The following LSM6 variants were observed in gnomAD, a reference collection of about 807,000 sequenced individuals.
The protein encoded by LSM6 is U6 snRNA-associated Sm-like protein LSm6.
Under a neutral mutation model 13.5 loss-of-function variants are expected in LSM6, and 2 were observed. That is an observed-to-expected ratio of 0.15 (90% CI 0.06 to 0.47). LSM6 has a LOEUF of 0.47. Among genes scored for constraint, LSM6 ranks in the 20% least tolerant of loss-of-function variants. LSM6 has a pLI of 0.97. For synonymous variants in LSM6, 43 were observed against 34.9 expected, an observed-to-expected ratio of 1.23 and a Z score of -0.82; for missense variants, 58 against 96.4, an observed-to-expected ratio of 0.60 and a Z score of 1.67.
chr4:146,189,817 T>C lies in LSM6; in HGVS notation c.*161T>C, dbSNP rs1313991093. 1 of 552,942 alleles carries C rather than the reference T, an allele frequency of 1.8e-6. No individual in the cohort carries two copies. The highest frequency in any genetic ancestry group is 3.2e-6 in the Non-Finnish European group (1 of 312,272). The allele number at this position is 552,942 out of a possible 1,614,324, so 34.3% of individuals were successfully genotyped here. A position where few individuals can be genotyped will look rare whatever the true frequency, so the allele number is the denominator to read the frequency against. On this transcript the variant is annotated 3_prime_UTR_variant, in exon 4 of 4. Transcript: ENST00000296581. Reference sequence around the variant, plus strand: ...TAAATGTATACAATTGTGGATTTAATTGTGAAATGTTCTTTCACTTGTAAG... The same window carrying C: ...TAAATGTATACAATTGTGGATTTAACTGTGAAATGTTCTTTCACTTGTAAG...
At chr4:146,189,322 T>C (rs891149120) in intron 3 of LSM6, among the ~76,000 whole-genome samples, 1 of 152,206 alleles carries the variant, frequency 6.6e-6, no homozygotes, top group Non-Finnish European at 1.5e-5. Context: ...TACTTCTAAC[T>C]ATAAAGCATT....
intron 1 of LSM6, among the ~76,000 whole-genome samples, chr4:146,177,866 G>A (rs1352338511): frequency 1.3e-5 from 2 of 152,152 alleles, no homozygotes. Flanking sequence ...GGTGGGGCAG[G>A]GTTGGGGGTA....
rs145067201 is a variant in LSM6 at position 146,188,740 on chromosome 4, C to T, written c.209-882C>T. On this transcript the variant is annotated intron_variant, in intron 3 of 3. Transcript: ENST00000296581. ...CATGTTGGTAGTCATGAGAAGACCA[C>T]TAAGCAGAACATTAGGTAACACCAA... Among the ~76,000 whole-genome samples, 391 of 152,172 alleles carry T rather than the reference C, an allele frequency of 2.6e-3. 3 individuals carry two copies. The highest frequency in any genetic ancestry group is 9.2e-3 in the African/African-American group (381 of 41,500).
intron 2 of LSM6, among the ~76,000 whole-genome samples, chr4:146,184,311 T>C (rs568604341): frequency 2.8e-4 from 42 of 152,102 alleles, no homozygotes; most frequent in Admixed American, 7.2e-4. Flanking sequence ...TTTGGTCTCT[T>C]TTCTGAATAA....
At chr4:146,180,270 T>C (rs1268857423) in intron 1 of LSM6, among the ~76,000 whole-genome samples, 2 of 152,224 alleles carry the variant, frequency 1.3e-5, no homozygotes, top group Non-Finnish European at 2.9e-5. Flanking sequence ...CTCTGGAATG[T>C]AAACTCTGAG....
chr4:146,183,184 C>A, intron 2 of LSM6, 169 bp downstream of exon 2: 1 of 512,446 alleles, frequency 2.0e-6, no homozygotes, highest in Non-Finnish European at 3.6e-6. Flanking sequence ...TTTAGAAGGA[C>A]AACTCTGACA....
At chr4:146,181,882 A>G (rs1193866969) in intron 1 of LSM6, among the ~76,000 whole-genome samples, 2 of 152,198 alleles carry the variant, frequency 1.3e-5, no homozygotes, top group Non-Finnish European at 2.9e-5. Context: ...TGCGTTTTGA[A>G]AGGAGTGATG....
In LSM6 at chr4:146,190,557, T is replaced by C. The variant is rs1210649813; in HGVS notation, c.*901T>C. 2 of 152,232 alleles carry C rather than the reference T, an allele frequency of 1.3e-5. No individual in the cohort carries two copies. Among genetic ancestry groups the C allele is most frequent in the Non-Finnish European group, 2.9e-5 (2 of 68,060 alleles). 9.4% of individuals were successfully genotyped at this position (152,232 alleles called of 1,614,324 possible). On this transcript the variant is annotated 3_prime_UTR_variant, in exon 4 of 4. Coordinates refer to ENST00000296581, the MANE Select transcript of LSM6 (RefSeq NM_007080.3). ...CTAGCAAGTGGCTGTAGGGAGGCCT[T>C]TCTCAAAAATCAGCTGTATTTGCCT...
chr4:146,182,991 T>G lies in LSM6; in HGVS notation c.70T>G (p.Leu24Val). The G allele has an allele frequency of 6.2e-7, 1 of 1,613,102 alleles. No individual in the cohort carries two copies. The highest frequency in any genetic ancestry group is 8.5e-7 in the Non-Finnish European group (1 of 1,179,152). Residue 24 changes from leucine (L) to valine (V), a missense_variant, in exon 2 of 4, where the codon TTA (leucine) becomes GTA (valine). Around this residue, in one of 3 missense-constraint regions of LSM6, gnomAD observed 28 missense variants for 32.6 expected, o/e 0.86. Coordinates refer to ENST00000296581, the MANE Select transcript of LSM6 (RefSeq NM_007080.3). ...CATCGGACGACCAGTTGTGGTAAAA[T>G]TAAATTCTGGAGTGGATTATCGAGG... is the stretch of plus-strand genomic sequence containing the variant. Reference protein sequence around the residue: ...QIIGRPVVVKLNSGVDYRGVL... With the variant: ...QIIGRPVVVKVNSGVDYRGVL...
intron 1 of LSM6, among the ~76,000 whole-genome samples, chr4:146,178,280 C>T (rs1266512673): frequency 6.6e-6 from 1 of 152,138 alleles, no homozygotes; most frequent in Non-Finnish European, 1.5e-5. Flanking sequence ...CACGGGAGAC[C>T]AGTCAGCAAA....
chr4:146,187,197 C>G (rs866106226), intron 2 of LSM6, 77 bp from the exon 3 acceptor site: 1 of 693,556 alleles, frequency 1.4e-6, no homozygotes, highest in Non-Finnish European at 2.5e-6. Flanking sequence ...AAGAGATTGT[C>G]TGCTCTAAGG....
chr4:146,189,601 T>G lies in LSM6; in HGVS notation c.209-21T>G, dbSNP rs770209167. 5.2e-6 allele frequency: 8 copies of G among 1,547,482 alleles called. No individual in the cohort carries two copies. The South Asian group carries it at 8.2e-5, about 16-fold the overall frequency. On this transcript the variant is annotated intron_variant, in intron 3 of 3. Transcript: ENST00000296581. ...AAGCAGGGTTTTTTAAATTTCAATTTATGTATTTTTTTCTTTTCAGTGTTG... is the reference window on the plus strand; with the variant it reads ...AAGCAGGGTTTTTTAAATTTCAATTGATGTATTTTTTTCTTTTCAGTGTTG...
Position 146,191,164 on chromosome 4 carries a change from A to G in LSM6, c.*1508A>G, listed in dbSNP as rs765056150. On this transcript the variant is annotated 3_prime_UTR_variant, in exon 4 of 4. Transcript: ENST00000296581. ...TCCAGTATGTAAGTACAAATCACCAATTTGCTCTTTTATAAATGAGTTCTT... is the reference window on the plus strand; with the variant it reads ...TCCAGTATGTAAGTACAAATCACCAGTTTGCTCTTTTATAAATGAGTTCTT... 7.9e-5 allele frequency: 12 copies of G among 152,180 alleles called. No individual in the cohort carries two copies. Among genetic ancestry groups the G allele is most frequent in the Non-Finnish European group, 1.6e-4 (11 of 68,020 alleles). 9.4% of individuals were successfully genotyped at this position (152,180 alleles called of 1,614,324 possible). A position where few individuals can be genotyped will look rare whatever the true frequency, so the allele number is the denominator to read the frequency against.
At chr4:146,189,315 T>G (rs552069771) in intron 3 of LSM6, among the ~76,000 whole-genome samples, 1 of 152,340 alleles carries the variant, frequency 6.6e-6, no homozygotes, top group East Asian at 1.9e-4. Flanking sequence ...ATTCTTATAC[T>G]TCTAACTATA....
rs930098504 is a variant in LSM6 at position 146,190,421 on chromosome 4, A to G, written c.*765A>G. ...TTATGAACACAGTAGGGGAGGGGCCATTCCTGTACATCTCTCACAGTCAGA... is the reference window on the plus strand; with the variant it reads ...TTATGAACACAGTAGGGGAGGGGCCGTTCCTGTACATCTCTCACAGTCAGA... On this transcript the variant is annotated 3_prime_UTR_variant, in exon 4 of 4. Coordinates refer to ENST00000296581, the MANE Select transcript of LSM6 (RefSeq NM_007080.3). 6 of 152,220 alleles carry G rather than the reference A, an allele frequency of 3.9e-5. No homozygotes were observed. The highest frequency in any genetic ancestry group is 7.2e-5 in the African/African-American group (3 of 41,442). 9.4% of individuals were successfully genotyped at this position (152,220 alleles called of 1,614,324 possible).
intron 1 of LSM6, among the ~76,000 whole-genome samples, chr4:146,181,541 C>G (rs542830161): frequency 3.4e-4 from 51 of 152,236 alleles, no homozygotes; most frequent in South Asian, 6.2e-4. Context: ...TAATCCTTCT[C>G]CACACAAACT....
chr4:146,189,471 A>G, intron 3 of LSM6, 151 bp from the exon 4 acceptor site: 2 of 620,752 alleles, frequency 3.2e-6, no homozygotes, highest in Admixed American at 3.5e-5. Flanking sequence ...AACTAGTCTT[A>G]CAGTACTTCT....
intron 1 of LSM6, 21 bp from the exon 2 acceptor site, chr4:146,182,891 C>T (rs754396569): frequency 1.4e-6 from 2 of 1,397,582 alleles, no homozygotes; most frequent in Non-Finnish European, 2.0e-6. Flanking sequence ...TTTTATTGTT[C>T]CTTTTCATAT....
At chr4:146,179,872 T>C (rs1271824758) in intron 1 of LSM6, among the ~76,000 whole-genome samples, 1 of 152,210 alleles carries the variant, frequency 6.6e-6, no homozygotes, top group Non-Finnish European at 1.5e-5. Flanking sequence ...TTCCTAGGCT[T>C]GTTCAAATAG....
Sources: allele counts gnomAD v4.1 joint callset (sites outside exome capture counted in the v4.1 genomes callset), GRCh38; gene constraint gnomAD v4.1.1; regional missense constraint gnomAD v4.1.1; transcripts MANE v1.5; gene names NCBI Gene and HGNC (gene_info 2026-07-23, HGNC 2026-07-21).